HBS1L: variants seen among roughly 807,000 people sequenced by gnomAD.
The protein encoded by HBS1L is HBS1 like translational GTPase.
HBS1L carries 55 observed loss-of-function variants against 88.9 expected under a neutral mutation model. The observed-to-expected ratio is 0.62, with a 90% CI of 0.50 to 0.77. The LOEUF is 0.77. Among genes scored for constraint, HBS1L ranks in the 30% least tolerant of loss-of-function variants. The probability of loss-of-function intolerance (pLI) is 0.00; values close to 1 mark genes in which losing one functional copy is unlikely to be tolerated. For missense variants in HBS1L, 741 were observed against 829.3 expected (o/e 0.89, Z 1.31); for synonymous variants, 267 against 288.5 (o/e 0.93, Z 0.76).
intron 4 of HBS1L, among the ~76,000 whole-genome samples, chr6:135,013,430 T>C (rs1775828228): frequency 6.6e-6 from 1 of 152,160 alleles, no homozygotes; most frequent in East Asian, 1.9e-4. Flanking sequence ...GGTACTGAAA[T>C]AAACAGACCC....
At chr6:134,965,860 A>G (rs1402499789) in intron 17 of HBS1L, among the ~76,000 whole-genome samples, 2 of 152,174 alleles carry the variant, frequency 1.3e-5, no homozygotes, top group Non-Finnish European at 2.9e-5. Context: ...ATTTTTCATG[A>G]TATGTGTAAC....
rs913981186 is a variant in HBS1L, at chr6:134,960,936, T to C, written c.*4343A>G. 5.3e-5 allele frequency: 8 copies of C among 152,202 alleles called. No individual in the cohort carries two copies. The highest frequency in any genetic ancestry group is 1.9e-4 in the African/African-American group (8 of 41,464). The allele number at this position is 152,202 out of a possible 1,614,324, so 9.4% of individuals were successfully genotyped here. ...GTTTTATTTATTTACAAAATAGGAA[T>C]ATTTTGCAGATAGCATATCATTAGC... is the stretch of plus-strand genomic sequence containing the variant. On this transcript the variant is annotated 3_prime_UTR_variant, in exon 18 of 18. Coordinates refer to ENST00000367837, the MANE Select transcript of HBS1L (RefSeq NM_006620.4).
chr6:134,992,069 A>G (rs542635082), intron 8 of HBS1L, among the ~76,000 whole-genome samples: 111 of 152,318 alleles, frequency 7.3e-4, no homozygotes, highest in Non-Finnish European at 1.4e-3. Context: ...CTCTGTCTCA[A>G]AAAATTAATA....
At chr6:134,972,667 T>C (rs767139284) in intron 15 of HBS1L, among the ~76,000 whole-genome samples, 18 of 152,132 alleles carry the variant, frequency 1.2e-4, no homozygotes, top group South Asian at 2.1e-4. Context: ...GCCTAGAGAA[T>C]AGGAGAAAAT....
At chr6:135,052,130 C>A (rs1777104937) in intron 1 of HBS1L, among the ~76,000 whole-genome samples, 1 of 152,156 alleles carries the variant, frequency 6.6e-6, no homozygotes, top group Admixed American at 6.5e-5. Context: ...GCAGGAACAG[C>A]ATGCTCAAAG....
chr6:135,044,055 CTG>C (rs1776834894), intron 2 of HBS1L, among the ~76,000 whole-genome samples: 1 of 152,148 alleles, frequency 6.6e-6, no homozygotes, highest in Non-Finnish European at 1.5e-5. Flanking sequence ...GACATGTGCC[CTG>C]TTTGGAGAGC....
chr6:134,996,806 G>T lies in HBS1L; in HGVS notation c.936C>A (p.Val312=). 1 of 1,605,764 alleles carries T rather than the reference G, an allele frequency of 6.2e-7. No homozygotes were observed. Among genetic ancestry groups the T allele is most frequent in the Non-Finnish European group, 8.5e-7 (1 of 1,177,084 alleles). ...CCCTTTCTTCGCCAGTTTCATCCAA[G>T]ACCCATGCATATGCAAACGAAGCTT... is the stretch of plus-strand genomic sequence containing the variant. ...AGKASFAYAW[V]LDETGEERER... The change falls in exon 7 of 18, where the codon GTC becomes GTA. Residue 312 remains valine (V), a synonymous_variant. Transcript: ENST00000367837.
chr6:135,019,739 C>T (rs374531264), intron 4 of HBS1L, among the ~76,000 whole-genome samples: 263 of 151,904 alleles, frequency 1.7e-3, no homozygotes, highest in South Asian at 6.0e-3. Flanking sequence ...TGTATATCTC[C>T]AGATATAATA....
intron 7 of HBS1L, among the ~76,000 whole-genome samples, chr6:134,994,807 G>A (rs1387879755): frequency 1.3e-5 from 2 of 152,014 alleles, no homozygotes; most frequent in Admixed American, 6.6e-5. Flanking sequence ...GAAGGCCCAA[G>A]GAAGGTCTAC....
At chr6:134,966,524 G>A (rs771930094) in intron 16 of HBS1L, 51 bp from the exon 17 acceptor site, 2 of 1,201,274 alleles carry the variant, frequency 1.7e-6, no homozygotes, top group East Asian at 2.6e-5. Context: ...GTGAATAAAT[G>A]TAATAATAAC....
chr6:135,050,463 T>A (rs370016569), intron 2 of HBS1L, 119 bp downstream of exon 2: 16 of 587,046 alleles, frequency 2.7e-5, no homozygotes, highest in African/African-American at 2.5e-4. Context: ...AATTAACATA[T>A]AATTAACTTT....
At chr6:134,993,369 A>G (rs1775198938) in intron 8 of HBS1L, among the ~76,000 whole-genome samples, 1 of 152,168 alleles carries the variant, frequency 6.6e-6, no homozygotes, top group Non-Finnish European at 1.5e-5. Context: ...AAGCTTCATT[A>G]TTTCTGCATA....
chr6:134,987,505 AGAT>A (rs1323876612), intron 9 of HBS1L, 137 bp downstream of exon 9: 2 of 528,206 alleles, frequency 3.8e-6, no homozygotes, highest in African/African-American at 3.9e-5. Flanking sequence ...CATTTATTTA[AGAT>A]GAGAACAGAG....
chr6:135,001,606 C>T (rs9402674), intron 5 of HBS1L, among the ~76,000 whole-genome samples: 21,903 of 151,996 alleles, frequency 0.14, 1,773 homozygotes, highest in East Asian at 0.27. Context: ...AAGGCATACA[C>T]GAAGCTTTTT....
At chr6:135,003,646 T>C (rs1775528315) in intron 4 of HBS1L, among the ~76,000 whole-genome samples, 1 of 149,352 alleles carries the variant, frequency 6.7e-6, no homozygotes, top group African/African-American at 2.5e-5. Context: ...GGAAGGTGGA[T>C]CACGAGGTCA....
At chr6:134,984,515 G>C (rs4896124) in intron 12 of HBS1L, among the ~76,000 whole-genome samples, 1 of 152,166 alleles carries the variant, frequency 6.6e-6, no homozygotes, top group Non-Finnish European at 1.5e-5. Flanking sequence ...TAAGCACGCC[G>C]GTTACCAATT....
intron 2 of HBS1L, among the ~76,000 whole-genome samples, chr6:135,046,454 C>T (rs1776915227): frequency 1.3e-5 from 2 of 152,060 alleles, no homozygotes; most frequent in African/African-American, 2.4e-5. Context: ...AATACATCAC[C>T]ATTCAAATAA....
intron 4 of HBS1L, among the ~76,000 whole-genome samples, 157 bp downstream of exon 4, chr6:135,039,416 A>C (rs1158851851): frequency 3.9e-5 from 6 of 152,218 alleles, no homozygotes; most frequent in Admixed American, 3.9e-4. Flanking sequence ...CTAAAAATCC[A>C]CAACTAGATC....
In HBS1L at chr6:134,963,925, A is replaced by G. The variant is rs1774242217; in HGVS notation, c.*1354T>C. 6.6e-6 allele frequency: 1 copy of G among 152,040 alleles called. No homozygotes were observed. Among genetic ancestry groups the G allele is most frequent in the Non-Finnish European group, 1.5e-5 (1 of 68,004 alleles). The allele number at this position is 152,040 out of a possible 1,614,324, so 9.4% of individuals were successfully genotyped here. A position where few individuals can be genotyped will look rare whatever the true frequency, so the allele number is the denominator to read the frequency against. On this transcript the variant is annotated 3_prime_UTR_variant, in exon 18 of 18. Coordinates refer to ENST00000367837, the MANE Select transcript of HBS1L (RefSeq NM_006620.4). Reference sequence around the variant, plus strand: ...AGATTTCTGTCACATATATCTGTTAAATTCTTGATTAATATTAATATTTAA... The same window carrying G: ...AGATTTCTGTCACATATATCTGTTAGATTCTTGATTAATATTAATATTTAA...
Sources: allele counts gnomAD v4.1 joint callset (sites outside exome capture counted in the v4.1 genomes callset), GRCh38; gene constraint gnomAD v4.1.1; transcripts MANE v1.5; gene names NCBI Gene and HGNC (gene_info 2026-07-23, HGNC 2026-07-21).